Variants in TET2 observed in about 807,000 individuals in gnomAD.
The protein encoded by TET2 is tet methylcytosine dioxygenase 2, also known as methylcytosine dioxygenase TET2.
TET2 carries 299 observed loss-of-function variants against 142.9 expected under a neutral mutation model. The ratio of observed to expected loss-of-function variants is 2.09; its 90% CI spans 1.90 to 2.30. The LOEUF (loss-of-function observed/expected upper bound fraction) is 2.30. TET2 is among the 30% of genes most tolerant of loss of function. TET2 has a pLI of 0.00. For missense variants in TET2, 2,418 were observed against 2,378.0 expected (o/e 1.02, Z -0.35); for synonymous variants, 819 against 849.0 (o/e 0.96, Z 0.61).
intron 1 of TET2, among the ~76,000 whole-genome samples, chr4:105,188,427 G>C (rs1218023469): frequency 1.3e-5 from 2 of 152,156 alleles, no homozygotes; most frequent in African/African-American, 4.8e-5. Flanking sequence ...AGATGAAAAA[G>C]TTCTGGAGAT....
At position 105,235,420 on chromosome 4, in the gene TET2, C is replaced by CA; in HGVS notation, c.1479dup (p.Gly494ArgfsTer10). On this transcript the variant is annotated frameshift_variant, in exon 3 of 11. Coordinates refer to ENST00000380013, the MANE Select transcript of TET2 (RefSeq NM_001127208.3). LOFTEE classifies it high-confidence loss of function. ...GTGAACAGGAATGACATACAGACTG[C>CA]AGGGACAATGACTGTTCCATTGTGT... 6.2e-7 allele frequency: 1 copy of CA among 1,614,156 alleles called. No homozygotes were observed. The highest frequency in any genetic ancestry group is 8.5e-7 in the Non-Finnish European group (1 of 1,180,020).
At chr4:105,264,086 C>CT (rs1047437960) in intron 8 of TET2, among the ~76,000 whole-genome samples, 3 of 48,324 alleles carry the variant, frequency 6.2e-5, no homozygotes, top group African/African-American at 2.0e-4. Flanking sequence ...CCACTGTGGA[C>CT]TTTAACGTCC....
At position 105,234,831 on chromosome 4, in the gene TET2, G is replaced by T. The variant is rs749991352; in HGVS notation, c.889G>T (p.Asp297Tyr). The T allele has an allele frequency of 1.2e-6, 2 of 1,613,988 alleles. No individual in the cohort carries two copies. The highest frequency in any genetic ancestry group is 3.3e-5 in the Admixed American group (2 of 59,974). Residue 297 changes from aspartate (D) to tyrosine (Y), a missense_variant, in exon 3 of 11, where the codon GAT (aspartate) becomes TAT (tyrosine). Asp to Tyr is a radical substitution (Grantham distance 160). Transcript: ENST00000380013. ...AGCTGCAGTGGTGAGTGAGGCCTGT[G>T]ATGCTGATGATGCTGATAATGCCAG... ...KPAAVVSEACDADDADNASKL... is the reference protein window; with the variant it reads ...KPAAVVSEACYADDADNASKL...
At chr4:105,172,504 T>TGG (rs1434442251) in intron 1 of TET2, 1 of 152,178 alleles carries the variant, frequency 6.6e-6, no homozygotes, top group East Asian at 1.9e-4. Context: ...AGGAAAAGGA[T>TGG]GGGTTGGTCT....
intron 1 of TET2, among the ~76,000 whole-genome samples, chr4:105,176,751 A>T (rs1724819794): frequency 6.6e-6 from 1 of 152,168 alleles, no homozygotes; most frequent in African/African-American, 2.4e-5. Flanking sequence ...TATTTTATGG[A>T]TATCAACAAA....
At chr4:105,174,826 G>A (rs1165197635) in intron 1 of TET2, among the ~76,000 whole-genome samples, 1 of 152,184 alleles carries the variant, frequency 6.6e-6, no homozygotes, top group African/African-American at 2.4e-5. Context: ...ACTCAAGCCT[G>A]CTCTCAAGTG....
intron 10 of TET2, among the ~76,000 whole-genome samples, chr4:105,273,588 G>C (rs1344706252): frequency 5.3e-5 from 8 of 152,240 alleles, no homozygotes; most frequent in Admixed American, 6.5e-5. Flanking sequence ...CAAAACACTG[G>C]AATGAAAGAG....
chr4:105,275,784 A>ACC lies in TET2; in HGVS notation c.5275_5276dup (p.Ser1760LeufsTer4), dbSNP rs1195058666. 6.4e-7 allele frequency: 1 copy of ACC among 1,551,720 alleles called. No homozygotes were observed. Among genetic ancestry groups the ACC allele is most frequent in the Non-Finnish European group, 8.7e-7 (1 of 1,146,990 alleles). ...ACTATAAAAATGGTGAACATCATTC[A>ACC]CCTTCTCACATAATCCATAACTACA... On this transcript the variant is annotated frameshift_variant, in exon 11 of 11. Coordinates refer to ENST00000380013, the MANE Select transcript of TET2 (RefSeq NM_001127208.3). LOFTEE classifies it low-confidence loss of function (END_TRUNC).
intron 6 of TET2, among the ~76,000 whole-genome samples, chr4:105,256,997 A>G (rs78953873): frequency 0.015 from 2,287 of 152,162 alleles, 54 homozygotes; most frequent in African/African-American, 0.052. Flanking sequence ...GTTTTCTTTC[A>G]TTATTTGGGC....
intron 1 of TET2, among the ~76,000 whole-genome samples, chr4:105,180,642 ATT>A (rs112365489): frequency 1.3e-4 from 19 of 146,844 alleles, no homozygotes; most frequent in Middle Eastern, 3.5e-3. Flanking sequence ...CCATTTTATC[ATT>A]TTTTTTTTTT....
At chr4:105,153,049 A>G (rs1368424471) in intron 1 of TET2, among the ~76,000 whole-genome samples, 1 of 152,208 alleles carries the variant, frequency 6.6e-6, no homozygotes, top group Non-Finnish European at 1.5e-5. Flanking sequence ...ACAAAAGTGA[A>G]TGGTTTTTAG....
intron 2 of TET2, 37 bp from the exon 3 acceptor site, chr4:105,233,860 A>T: frequency 9.0e-7 from 1 of 1,108,488 alleles, no homozygotes; most frequent in Non-Finnish European, 1.3e-6. Flanking sequence ...ATAGATAGAA[A>T]TAAACACATT....
intron 1 of TET2, among the ~76,000 whole-genome samples, chr4:105,175,846 G>A (rs1463705569): frequency 4.6e-5 from 7 of 152,016 alleles, no homozygotes; most frequent in Admixed American, 3.9e-4. Context: ...CTATAGAGGA[G>A]CAAAAATAAT....
At chr4:105,173,337 G>A (rs1724583239) in intron 1 of TET2, among the ~76,000 whole-genome samples, 3 of 147,288 alleles carry the variant, frequency 2.0e-5, no homozygotes, top group Non-Finnish European at 4.5e-5. Context: ...GGCCAATATG[G>A]TGAAAACCCG....
intron 2 of TET2, among the ~76,000 whole-genome samples, chr4:105,209,376 G>C (rs1402586937): frequency 1.3e-5 from 2 of 151,946 alleles, no homozygotes; most frequent in Non-Finnish European, 2.9e-5. Flanking sequence ...CAGTTCCAGT[G>C]TTGACTGAGA....
chr4:105,193,499 T>C (rs778228054), intron 2 of TET2, among the ~76,000 whole-genome samples: 4 of 152,154 alleles, frequency 2.6e-5, no homozygotes, highest in Non-Finnish European at 5.9e-5. Context: ...ATATCATTAT[T>C]TTTACAAATT....
chr4:105,222,957 A>G (rs942612577), intron 2 of TET2, among the ~76,000 whole-genome samples: 5 of 152,192 alleles, frequency 3.3e-5, no homozygotes, highest in Admixed American at 3.3e-4. Context: ...TCCCAGCACC[A>G]TTTATTAAAT....
At chr4:105,201,544 A>C (rs1726466347) in intron 2 of TET2, among the ~76,000 whole-genome samples, 1 of 152,100 alleles carries the variant, frequency 6.6e-6, no homozygotes, top group Non-Finnish European at 1.5e-5. Flanking sequence ...CACAAGTGGA[A>C]GTATTGCTTA....
At chr4:105,193,073 T>C (rs186161559) in intron 2 of TET2, among the ~76,000 whole-genome samples, 136 of 152,272 alleles carry the variant, frequency 8.9e-4, no homozygotes, top group Non-Finnish European at 1.5e-3. Flanking sequence ...GTAAGTGATA[T>C]GGACAAGAAC....
Sources: allele counts gnomAD v4.1 joint callset (sites outside exome capture counted in the v4.1 genomes callset), GRCh38; gene constraint gnomAD v4.1.1; transcripts MANE v1.5; gene names NCBI Gene and HGNC (gene_info 2026-07-23, HGNC 2026-07-21).